MANBA: variants seen among roughly 807,000 people sequenced by gnomAD.
MANBA encodes beta-mannosidase.
MANBA carries 83 observed loss-of-function variants against 111.1 expected under a neutral mutation model. The ratio of observed to expected loss-of-function variants is 0.75; its 90% CI spans 0.63 to 0.90. MANBA has a LOEUF of 0.90. MANBA is among the 40% of genes least tolerant of loss of function. MANBA has a pLI of 0.00. For synonymous variants in MANBA, 370 were observed against 378.7 expected (o/e 0.98, Z 0.27); for missense variants, 1,036 against 1,069.0 (o/e 0.97, Z 0.43).
At chr4:102,731,029 G>A (rs1723015081) in intron 1 of MANBA, among the ~76,000 whole-genome samples, 1 of 152,044 alleles carries the variant, frequency 6.6e-6, no homozygotes, top group Non-Finnish European at 1.5e-5. Context: ...AGCTCAAACT[G>A]TGCAGTCCAA....
At chr4:102,654,343 A>G (rs576309645) in intron 12 of MANBA, among the ~76,000 whole-genome samples, 86 of 152,260 alleles carry the variant, frequency 5.6e-4, no homozygotes, top group African/African-American at 1.9e-3. Flanking sequence ...CAATGTATAT[A>G]TGTTTCAAAA....
At chr4:102,684,249 G>A (rs1195338598) in intron 7 of MANBA, among the ~76,000 whole-genome samples, 1 of 152,184 alleles carries the variant, frequency 6.6e-6, no homozygotes, top group Non-Finnish European at 1.5e-5. Flanking sequence ...CAAGCCCAGG[G>A]TAACAATAAA....
chr4:102,759,779 T>G (rs1158560548), intron 1 of MANBA, among the ~76,000 whole-genome samples: 2 of 152,190 alleles, frequency 1.3e-5, no homozygotes, highest in Admixed American at 1.3e-4. Context: ...GAATTCCATT[T>G]CTTTCCATTT....
At chr4:102,634,592 T>TGGATTCGAAATCCTG (rs1189742939) in intron 16 of MANBA, among the ~76,000 whole-genome samples, 196 bp downstream of exon 16, 8 of 152,358 alleles carry the variant, frequency 5.3e-5, no homozygotes, top group Non-Finnish European at 8.8e-5. Context: ...CCAGCAACTC[T>TGGATTCGAAATCCTG]GACAAATCCT....
intron 1 of MANBA, chr4:102,727,674 TC>T (rs571423532): frequency 8.0e-5 from 108 of 1,343,766 alleles, no homozygotes; most frequent in Non-Finnish European, 1.1e-4. Context: ...GAACGCAGTC[TC>T]AGCAGAATCT....
intron 12 of MANBA, among the ~76,000 whole-genome samples, chr4:102,652,716 C>T (rs1309523501): frequency 1.3e-5 from 2 of 151,926 alleles, no homozygotes; most frequent in African/African-American, 2.4e-5. Context: ...CGTAGTGAGA[C>T]CCCATCTCTA....
chr4:102,732,512 T>C (rs1208480969), intron 1 of MANBA, among the ~76,000 whole-genome samples: 1 of 152,210 alleles, frequency 6.6e-6, no homozygotes, highest in African/African-American at 2.4e-5. Flanking sequence ...TAAGAAGCAC[T>C]ACAACATCAG....
At position 102,631,058 on chromosome 4, in the gene MANBA, ACT is replaced by A. The variant is rs1729353478; in HGVS notation, c.*997_*998del. ...CATGACATAATATTTACCAAGTAAG[ACT>A]CTACGGAGTCCCAGCCCTAAGTCCC... On this transcript the variant is annotated 3_prime_UTR_variant, in exon 17 of 17. Coordinates refer to ENST00000647097, the MANE Select transcript of MANBA (RefSeq NM_005908.4). 6.6e-6 allele frequency: 1 copy of A among 151,236 alleles called. No homozygotes were observed. The highest frequency in any genetic ancestry group is 2.1e-4 in the South Asian group (1 of 4,788). 9.4% of individuals were successfully genotyped at this position (151,236 alleles called of 1,614,324 possible). A position where few individuals can be genotyped will look rare whatever the true frequency, so the allele number is the denominator to read the frequency against.
Position 102,657,815 on chromosome 4 carries a change from T to G in MANBA, c.1571A>C (p.Asn524Thr). The change falls in exon 12 of 17, where the codon AAT becomes ACT. Residue 524 changes from asparagine (N) to threonine (T), a missense_variant. Asn to Thr is a moderately conservative substitution (Grantham distance 65). Transcript: ENST00000647097. ...VAEAWVSQNP[N>T]SNYFGDVHFY... ...ATGTACATCACCAAAATAATTGCTA[T>G]TAGGGTTTTGAGAGACCCAGGCTTC... 1 of 1,613,886 alleles carries G rather than the reference T, an allele frequency of 6.2e-7. No homozygotes were observed. Among genetic ancestry groups the G allele is most frequent in the Non-Finnish European group, 8.5e-7 (1 of 1,179,730 alleles).
At chr4:102,663,891 T>G (rs1215660472) in intron 11 of MANBA, among the ~76,000 whole-genome samples, 1 of 152,134 alleles carries the variant, frequency 6.6e-6, no homozygotes, top group African/African-American at 2.4e-5. Context: ...ATATGCCAAT[T>G]AGACAAACAG....
At chr4:102,673,557 C>G (rs1731591577) in intron 8 of MANBA, among the ~76,000 whole-genome samples, 1 of 151,616 alleles carries the variant, frequency 6.6e-6, no homozygotes, top group African/African-American at 2.4e-5. Context: ...AAACCATGCT[C>G]AAAACATTTA....
At chr4:102,636,081 T>A in intron 14 of MANBA, 74 bp from the exon 15 acceptor site, 1 of 1,379,280 alleles carries the variant, frequency 7.3e-7, no homozygotes, top group South Asian at 1.2e-5. Context: ...GGCCCAGCTG[T>A]TTGTGGCTCA....
chr4:102,747,470 G>A (rs1245525061), intron 1 of MANBA, among the ~76,000 whole-genome samples: 2 of 152,164 alleles, frequency 1.3e-5, no homozygotes, highest in African/African-American at 4.8e-5. Context: ...TGAGTCAAAT[G>A]TTAATCTCCT....
chr4:102,659,234 T>C (rs913594967), intron 11 of MANBA, among the ~76,000 whole-genome samples: 3 of 152,176 alleles, frequency 2.0e-5, no homozygotes, highest in African/African-American at 7.2e-5. Context: ...TGAAACCAGA[T>C]ACTGAACAAG....
intron 1 of MANBA, among the ~76,000 whole-genome samples, chr4:102,738,552 G>A (rs1227431101): frequency 1.3e-5 from 2 of 152,218 alleles, no homozygotes; most frequent in Admixed American, 1.3e-4. Flanking sequence ...GGGGAAGGGG[G>A]AGAGCATCTC....
At position 102,699,770 on chromosome 4, in the gene MANBA, T is replaced by C. The variant is rs1578914981; in HGVS notation, c.674-8999A>G. Among the ~76,000 whole-genome samples the C allele has an allele frequency of 2.0e-5, 3 of 151,020 alleles. No individual in the cohort carries two copies. The South Asian group carries it at 6.3e-4, about 32-fold the overall frequency. ...CTGGATCCGGTTTGCCAGTATTTTA[T>C]TGAGGATTTTTGCATCAATGTTCAT... On this transcript the variant is annotated intron_variant, in intron 5 of 16. Transcript: ENST00000647097.
At position 102,643,384 on chromosome 4, in the gene MANBA, TGCTTTCA is replaced by T. The variant is rs536307649; in HGVS notation, c.1870-3534_1870-3528del. ...GTGAACAGGTTTTTGCATGAACATA[TGCTTTCA>T]ATTTTCTTGAGTATATATACCTAAG... On this transcript the variant is annotated intron_variant, in intron 13 of 16. Transcript: ENST00000647097. Among the ~76,000 whole-genome samples the T allele has an allele frequency of 1.6e-4, 25 of 152,340 alleles. 1 individual carries two copies. In the East Asian group the frequency reaches 4.6e-3, roughly 28 times the overall value.
At chr4:102,746,373 T>C (rs1480839998) in intron 1 of MANBA, among the ~76,000 whole-genome samples, 2 of 152,170 alleles carry the variant, frequency 1.3e-5, no homozygotes, top group Non-Finnish European at 2.9e-5. Context: ...TCTTTCTCTA[T>C]AGGAGATAAG....
intron 9 of MANBA, 61 bp from the exon 10 acceptor site, chr4:102,669,110 T>A: frequency 3.2e-6 from 4 of 1,259,632 alleles, no homozygotes; most frequent in Non-Finnish European, 4.6e-6. Context: ...CAGAAGAAAG[T>A]CTTTATTCTG....
Sources: allele counts gnomAD v4.1 joint callset (sites outside exome capture counted in the v4.1 genomes callset), GRCh38; gene constraint gnomAD v4.1.1; transcripts MANE v1.5; gene names NCBI Gene and HGNC (gene_info 2026-07-23, HGNC 2026-07-21).